The following PCDHB14 variants were observed in gnomAD, a reference collection of about 807,000 sequenced individuals.
PCDHB14 encodes the protein protocadherin beta 14, also known as protocadherin beta-14.
For missense variants in PCDHB14, 1,129 were observed against 1,000.5 expected (o/e 1.13, Z -1.73); for synonymous variants, 511 against 441.5 (o/e 1.16, Z -1.97).
chr5:141,224,507 A>G lies in PCDHB14; in HGVS notation c.1002A>G (p.Leu334=). ...GGGLSGKCTL[L]VKVMDINDNP... is the part of the protein sequence containing the mutation. Reference sequence around the variant, plus strand: ...GTCTTTCAGGAAAATGCACCCTTCTAGTTAAAGTTATGGATATAAACGACA... The same window carrying G: ...GTCTTTCAGGAAAATGCACCCTTCTGGTTAAAGTTATGGATATAAACGACA... The change falls in exon 1 of 1, where the codon CTA becomes CTG. Residue 334 remains leucine, a synonymous_variant. Coordinates refer to ENST00000239449, the MANE Select transcript of PCDHB14 (RefSeq NM_018934.4). The G allele has an allele frequency of 6.2e-7, 1 of 1,613,592 alleles. No homozygotes were observed. The highest frequency in any genetic ancestry group is 8.5e-7 in the Non-Finnish European group (1 of 1,179,856).
Position 141,225,984 on chromosome 5 carries a change from G to A in PCDHB14, c.*82G>A. Reference sequence around the variant, plus strand: ...TTTGCATAATCTTTTGTGGATTCTTGGTTGTACTGTAGTTGCATGCATGAT... The same window carrying A: ...TTTGCATAATCTTTTGTGGATTCTTAGTTGTACTGTAGTTGCATGCATGAT... On this transcript the variant is annotated 3_prime_UTR_variant, in exon 1 of 1. Transcript: ENST00000239449. 7.7e-7 allele frequency: 1 copy of A among 1,297,236 alleles called. No homozygotes were observed. The highest frequency in any genetic ancestry group is 1.1e-6 in the Non-Finnish European group (1 of 929,584). 80.4% of individuals were successfully genotyped at this position (1,297,236 alleles called of 1,614,324 possible).
At position 141,225,000 on chromosome 5, in the gene PCDHB14, C is replaced by A. The variant is rs200826906; in HGVS notation, c.1495C>A (p.Pro499Thr). ...SLLPPQDRHL[P>T]LASLVSINAD... Reference sequence around the variant, plus strand: ...GCTGCCGCCCCAGGACCGGCACCTGCCCCTCGCCTCCTTGGTCTCCATCAA... The same window carrying A: ...GCTGCCGCCCCAGGACCGGCACCTGACCCTCGCCTCCTTGGTCTCCATCAA... The change falls in exon 1 of 1, where the codon CCC becomes ACC. Residue 499 changes from proline to threonine, a missense_variant. Coordinates refer to ENST00000239449, the MANE Select transcript of PCDHB14 (RefSeq NM_018934.4). The A allele has an allele frequency of 7.3e-5, 118 of 1,612,506 alleles. No individual in the cohort carries two copies. Among genetic ancestry groups the A allele is most frequent in the Non-Finnish European group, 9.9e-5 (117 of 1,180,042 alleles).
In PCDHB14 at chr5:141,227,448, C is replaced by G. The variant is rs1754882845; in HGVS notation, c.*1546C>G. Reference sequence around the variant, plus strand: ...TCATGTAACATATTATATCTCAGCTCTAAAAGAAAGTTCTATAGAAGATTA... The same window carrying G: ...TCATGTAACATATTATATCTCAGCTGTAAAAGAAAGTTCTATAGAAGATTA... On this transcript the variant is annotated 3_prime_UTR_variant, in exon 1 of 1. Coordinates refer to ENST00000239449, the MANE Select transcript of PCDHB14 (RefSeq NM_018934.4). The G allele has an allele frequency of 1.3e-5, 2 of 152,042 alleles. No individual in the cohort carries two copies. The highest frequency in any genetic ancestry group is 4.1e-4 in the South Asian group (2 of 4,826). The allele number at this position is 152,042 out of a possible 1,614,324, so 9.4% of individuals were successfully genotyped here.
rs963509190 is a variant in PCDHB14 at position 141,226,765 on chromosome 5, T to A, written c.*863T>A. 7.2e-5 allele frequency: 11 copies of A among 152,312 alleles called. No homozygotes were observed. The highest frequency in any genetic ancestry group is 2.4e-4 in the African/African-American group (10 of 41,556). 9.4% of individuals were successfully genotyped at this position (152,312 alleles called of 1,614,324 possible). ...TTGTATTTTTTTTGTACAGATGGAA[T>A]CTTGCCATGTTTCCCAGTCTGGTCT... On this transcript the variant is annotated 3_prime_UTR_variant, in exon 1 of 1. Coordinates refer to ENST00000239449, the MANE Select transcript of PCDHB14 (RefSeq NM_018934.4).
At position 141,225,139 on chromosome 5, in the gene PCDHB14, C is replaced by T. The variant is rs777821767; in HGVS notation, c.1634C>T (p.Ala545Val). 22 of 1,611,706 alleles carry T rather than the reference C, an allele frequency of 1.4e-5. No individual in the cohort carries two copies. The highest frequency in any genetic ancestry group is 1.7e-5 in the Non-Finnish European group (20 of 1,179,770). ...DRGSPALSSE[A>V]LVRVLVLDAN... ...GGGTCCCCGGCGTTGAGCAGCGAGG[C>T]GCTGGTGCGCGTGCTGGTGCTGGAC... The change falls in exon 1 of 1, where the codon GCG (alanine) becomes GTG (valine). Residue 545 changes from alanine to valine, a missense_variant. By Grantham distance (64) the Ala-to-Val change is moderately conservative. Transcript: ENST00000239449.
chr5:141,225,626 G>A lies in PCDHB14; in HGVS notation c.2121G>A (p.Leu707=). ...CGCTCTTCCTCTTCTCGGTGCTCCT[G>A]TTCGTGGCGGTGCGGCTGTGCAGGA... ...VSSLFLFSVL[L]FVAVRLCRRS... The change falls in exon 1 of 1, where the codon CTG becomes CTA. Residue 707 remains leucine (L), a synonymous_variant. Transcript: ENST00000239449. The A allele has an allele frequency of 6.2e-7, 1 of 1,613,000 alleles. No homozygotes were observed. The highest frequency in any genetic ancestry group is 8.5e-7 in the Non-Finnish European group (1 of 1,179,932).
Position 141,225,026 on chromosome 5 carries a change from C to A in PCDHB14, c.1521C>A (p.Asn507Lys), listed in dbSNP as rs201265659. Residue 507 changes from asparagine to lysine, a missense_variant, in exon 1 of 1, where the codon AAC (asparagine) becomes AAA (lysine). Coordinates refer to ENST00000239449, the MANE Select transcript of PCDHB14 (RefSeq NM_018934.4). ...HLPLASLVSI[N>K]ADNGHLFALR... ...CCCTCGCCTCCTTGGTCTCCATCAACGCGGACAATGGCCACCTGTTTGCCC... is the reference window on the plus strand; with the variant it reads ...CCCTCGCCTCCTTGGTCTCCATCAAAGCGGACAATGGCCACCTGTTTGCCC... 18 of 1,612,542 alleles carry A rather than the reference C, an allele frequency of 1.1e-5. No homozygotes were observed. The Admixed American group carries it at 2.8e-4, about 25-fold the overall frequency.
Position 141,224,814 on chromosome 5 carries a change from A to G in PCDHB14, c.1309A>G (p.Ile437Val), listed in dbSNP as rs1554289242. ...ACCCAGGCTGAAAACCGAGTACAAC[A>G]TAACCGTGCTGCTCTCTGACGTCAA... ...GTPRLKTEYN[I>V]TVLLSDVNDN... is the part of the protein sequence containing the mutation. Residue 437 changes from isoleucine (I) to valine (V), a missense_variant, in exon 1 of 1, where the codon ATA becomes GTA. Physicochemically the swap from Ile to Val is conservative, Grantham distance 29 (BLOSUM62 3). Transcript: ENST00000239449. The G allele has an allele frequency of 6.2e-7, 1 of 1,614,108 alleles. No homozygotes were observed. The highest frequency in any genetic ancestry group is 2.2e-5 in the East Asian group (1 of 44,880).
In PCDHB14 at chr5:141,225,360, G is replaced by A. The variant is rs1754827591; in HGVS notation, c.1855G>A (p.Ala619Thr). The change falls in exon 1 of 1, where the codon GCG becomes ACG. Residue 619 changes from alanine to threonine, a missense_variant. Ala to Thr is a moderately conservative substitution (Grantham distance 58). Coordinates refer to ENST00000239449, the MANE Select transcript of PCDHB14 (RefSeq NM_018934.4). ...GGAGCCCGGGCTGTTCGGCGTGTGG[G>A]CGCACAATGGCGAGGTGCGCACCGC... ...ATEPGLFGVW[A>T]HNGEVRTARL... The A allele has an allele frequency of 3.7e-6, 6 of 1,603,470 alleles. No homozygotes were observed. The highest frequency in any genetic ancestry group is 2.2e-5 in the South Asian group (2 of 90,902).
rs1554289062 is a variant in PCDHB14, at chr5:141,223,911, A to C, written c.406A>C (p.Lys136Gln). 6.2e-7 allele frequency: 1 copy of C among 1,613,758 alleles called. No individual in the cohort carries two copies. Among genetic ancestry groups the C allele is most frequent in the African/African-American group, 1.3e-5 (1 of 74,874 alleles). The part of the protein sequence containing the change: ...INDHSPTFLD[K>Q]EILIKISEGT... ...TGATCACTCCCCTACATTTCTAGACAAGGAAATACTTATTAAAATATCAGA... is the reference window on the plus strand; with the variant it reads ...TGATCACTCCCCTACATTTCTAGACCAGGAAATACTTATTAAAATATCAGA... Residue 136 changes from lysine to glutamine, a missense_variant, in exon 1 of 1, where the codon AAG becomes CAG. Physicochemically the swap from Lys to Gln is moderately conservative, Grantham distance 53. Coordinates refer to ENST00000239449, the MANE Select transcript of PCDHB14 (RefSeq NM_018934.4).
At position 141,225,063 on chromosome 5, in the gene PCDHB14, G is replaced by T; in HGVS notation, c.1558G>T (p.Asp520Tyr). 1 of 1,612,450 alleles carries T rather than the reference G, an allele frequency of 6.2e-7. No homozygotes were observed. Among genetic ancestry groups the T allele is most frequent in the Non-Finnish European group, 8.5e-7 (1 of 1,179,926 alleles). ...NGHLFALRSL[D>Y]YEALQEFEFR... ...CCACCTGTTTGCCCTCAGGTCGCTG[G>T]ACTACGAGGCCCTACAGGAGTTCGA... is the stretch of plus-strand genomic sequence containing the variant. The change falls in exon 1 of 1, where the codon GAC (aspartate) becomes TAC (tyrosine). Residue 520 changes from aspartate to tyrosine, a missense_variant. Transcript: ENST00000239449.
Position 141,223,465 on chromosome 5 carries a change from C to A in PCDHB14, c.-41C>A. ...AGAGCTTCAGCTTCCAAAATTACGG[C>A]TGAGCTTCAGTTTTTCCACAAGAGA... On this transcript the variant is annotated 5_prime_UTR_variant, in exon 1 of 1. In the 5' UTR this introduces an upstream ATG that the reference lacks. Transcript: ENST00000239449. The A allele has an allele frequency of 1.4e-6, 2 of 1,474,272 alleles. No homozygotes were observed. Among genetic ancestry groups the A allele is most frequent in the Non-Finnish European group, 1.8e-6 (2 of 1,081,802 alleles). 91.3% of individuals were successfully genotyped at this position (1,474,272 alleles called of 1,614,324 possible).
chr5:141,227,082 T>G lies in PCDHB14; in HGVS notation c.*1180T>G, dbSNP rs1375577365. 2 of 152,248 alleles carry G rather than the reference T, an allele frequency of 1.3e-5. No individual in the cohort carries two copies. Among genetic ancestry groups the G allele is most frequent in the Non-Finnish European group, 2.9e-5 (2 of 68,076 alleles). 9.4% of individuals were successfully genotyped at this position (152,248 alleles called of 1,614,324 possible). On this transcript the variant is annotated 3_prime_UTR_variant, in exon 1 of 1. Coordinates refer to ENST00000239449, the MANE Select transcript of PCDHB14 (RefSeq NM_018934.4). Reference sequence around the variant, plus strand: ...CCTGAACTCAAGTGATCCACCTGCTTTGGCCTCCCAACGTGCTAGGATTAC... The same window carrying G: ...CCTGAACTCAAGTGATCCACCTGCTGTGGCCTCCCAACGTGCTAGGATTAC...
rs1554289018 is a variant in PCDHB14, at chr5:141,223,674, G to GA, written c.170dup (p.Glu58GlyfsTer6). On this transcript the variant is annotated frameshift_variant, in exon 1 of 1. Transcript: ENST00000239449. LOFTEE classifies it low-confidence loss of function (END_TRUNC). The stretch of plus-strand genomic sequence containing the variant: ...AGCGAGGGACCTAGGGCTGGGGGTG[G>GA]AGGAGCTGTCTTCACGTGAAGCCCG... 4 of 1,614,010 alleles carry GA rather than the reference G, an allele frequency of 2.5e-6. No individual in the cohort carries two copies. The African/African-American group carries it at 5.3e-5, about 22-fold the overall frequency.
rs1754877891 is a variant in PCDHB14 at position 141,227,152 on chromosome 5, G to GT, written c.*1251dup. 1 of 152,180 alleles carries GT rather than the reference G, an allele frequency of 6.6e-6. No homozygotes were observed. Among genetic ancestry groups the GT allele is most frequent in the African/African-American group, 2.4e-5 (1 of 41,438 alleles). 9.4% of individuals were successfully genotyped at this position (152,180 alleles called of 1,614,324 possible). On this transcript the variant is annotated 3_prime_UTR_variant, in exon 1 of 1. Transcript: ENST00000239449. Reference sequence around the variant, plus strand: ...TGGCCTAGTTTTCTTTAAATACACCGTGTTTACTAGCTTAAATTTTGTGTT... The same window carrying GT: ...TGGCCTAGTTTTCTTTAAATACACCGTTGTTTACTAGCTTAAATTTTGTGTT...
At position 141,223,776 on chromosome 5, in the gene PCDHB14, G is replaced by A. The variant is rs150687618; in HGVS notation, c.271G>A (p.Asp91Asn). 5.0e-6 allele frequency: 8 copies of A among 1,613,936 alleles called. No homozygotes were observed. The highest frequency in any genetic ancestry group is 5.9e-6 in the Non-Finnish European group (7 of 1,180,022). Reference protein sequence around the residue: ...TGNLLLNEKLDRDELCGSTEP... With the variant: ...TGNLLLNEKLNRDELCGSTEP... ...GAATTTGCTCCTAAATGAGAAACTA[G>A]ACCGAGACGAGCTGTGTGGCTCCAC... Residue 91 changes from aspartate (D) to asparagine (N), a missense_variant, in exon 1 of 1, where the codon GAC (aspartate) becomes AAC (asparagine). Transcript: ENST00000239449.
rs1187101261 is a variant in PCDHB14 at position 141,224,835 on chromosome 5, G to A, written c.1330G>A (p.Val444Ile). Residue 444 changes from valine to isoleucine, a missense_variant, in exon 1 of 1, where the codon GTC (valine) becomes ATC (isoleucine). Coordinates refer to ENST00000239449, the MANE Select transcript of PCDHB14 (RefSeq NM_018934.4). ...EYNITVLLSD[V>I]NDNAPTFTQT... is the part of the protein sequence containing the mutation. ...CAACATAACCGTGCTGCTCTCTGAC[G>A]TCAATGACAACGCCCCCACCTTCAC... 4.3e-6 allele frequency: 7 copies of A among 1,613,836 alleles called. No homozygotes were observed. The highest frequency in any genetic ancestry group is 1.1e-5 in the South Asian group (1 of 91,076).
At position 141,225,015 on chromosome 5, in the gene PCDHB14, G is replaced by A. The variant is rs1588397873; in HGVS notation, c.1510G>A (p.Val504Ile). 6.2e-7 allele frequency: 1 copy of A among 1,612,622 alleles called. No individual in the cohort carries two copies. Among genetic ancestry groups the A allele is most frequent in the African/African-American group, 1.3e-5 (1 of 75,012 alleles). ...QDRHLPLASL[V>I]SINADNGHLF... is the part of the protein sequence containing the mutation. Reference sequence around the variant, plus strand: ...CCGGCACCTGCCCCTCGCCTCCTTGGTCTCCATCAACGCGGACAATGGCCA... The same window carrying A: ...CCGGCACCTGCCCCTCGCCTCCTTGATCTCCATCAACGCGGACAATGGCCA... The change falls in exon 1 of 1, where the codon GTC (valine) becomes ATC (isoleucine). Residue 504 changes from valine to isoleucine, a missense_variant. Val to Ile is a conservative substitution (Grantham distance 29). Coordinates refer to ENST00000239449, the MANE Select transcript of PCDHB14 (RefSeq NM_018934.4).
chr5:141,224,689 C>A lies in PCDHB14; in HGVS notation c.1184C>A (p.Pro395Gln). ...GATAACCTCCCTTTTTTCCTGAAACCGACCTTCAAGAACTTTTTCACTCTA... is the reference window on the plus strand; with the variant it reads ...GATAACCTCCCTTTTTTCCTGAAACAGACCTTCAAGAACTTTTTCACTCTA... Reference protein sequence around the residue: ...IQDNLPFFLKPTFKNFFTLVS... With the variant: ...IQDNLPFFLKQTFKNFFTLVS... The change falls in exon 1 of 1, where the codon CCG (proline) becomes CAG (glutamine). Residue 395 changes from proline (P) to glutamine (Q), a missense_variant. Coordinates refer to ENST00000239449, the MANE Select transcript of PCDHB14 (RefSeq NM_018934.4). The A allele has an allele frequency of 6.2e-7, 1 of 1,613,872 alleles. No homozygotes were observed.
Sources: gnomAD v4.1 joint callset for allele counts on GRCh38, gnomAD v4.1.1 for gene constraint, MANE v1.5 for transcripts, NCBI Gene and HGNC (gene_info 2026-07-23, HGNC 2026-07-21) for gene names.